Variants in SHANK2 observed in about 807,000 individuals in gnomAD.
SHANK2 encodes SH3 and multiple ankyrin repeat domains 2, also known as SH3 and multiple ankyrin repeat domains protein 2.
Under a neutral mutation model 133.7 loss-of-function variants are expected in SHANK2, and 43 were observed. The observed-to-expected ratio is 0.32, with a 90% CI of 0.25 to 0.41. The LOEUF is 0.41. Ranked by LOEUF, SHANK2 falls within the 10% of genes least tolerant of loss-of-function variation. The pLI, the probability that SHANK2 is intolerant of heterozygous loss-of-function variation, is 1.00. For missense variants in SHANK2, 1,994 were observed against 2,235.8 expected (o/e 0.89, Z 2.18); for synonymous variants, 1,017 against 952.8 (o/e 1.07, Z -1.24).
intron 23 of SHANK2, chr11:70,490,049 T>G: frequency 2.8e-6 from 1 of 357,624 alleles, no homozygotes; most frequent in Non-Finnish European, 5.3e-6. Flanking sequence ...CCACCCTAGA[T>G]TTTGTGTCCT....
At chr11:71,098,145 A>G (rs532421704) in intron 6 of SHANK2, among the ~76,000 whole-genome samples, 1 of 135,904 alleles carries the variant, frequency 7.4e-6, no homozygotes, top group African/African-American at 2.8e-5. Context: ...GCCTGTGTGC[A>G]TGCATGCCTG....
chr11:71,088,307 TACAC>T (rs1200021421), intron 8 of SHANK2, among the ~76,000 whole-genome samples: 2 of 151,982 alleles, frequency 1.3e-5, no homozygotes, highest in Non-Finnish European at 2.9e-5. Flanking sequence ...TCTGTATCTG[TACAC>T]ACACACACAT....
At chr11:70,873,972 C>G (rs898751587) in intron 11 of SHANK2, among the ~76,000 whole-genome samples, 2 of 152,154 alleles carry the variant, frequency 1.3e-5, no homozygotes, top group African/African-American at 2.4e-5. Context: ...AGGCTGGGGG[C>G]AGCATCCCAA....
At chr11:70,780,920 T>G (rs1161507566) in intron 14 of SHANK2, among the ~76,000 whole-genome samples, 3 of 152,100 alleles carry the variant, frequency 2.0e-5, no homozygotes, top group African/African-American at 7.2e-5. Context: ...GTTTTGTGTT[T>G]TTGTTGTTGT....
chr11:70,752,009 T>C (rs1946758071), intron 14 of SHANK2, among the ~76,000 whole-genome samples: 1 of 152,190 alleles, frequency 6.6e-6, no homozygotes, highest in Non-Finnish European at 1.5e-5. Context: ...ATGGTAGATA[T>C]AAATACTAAC....
chr11:70,697,617 G>A (rs1372848041), intron 15 of SHANK2, among the ~76,000 whole-genome samples: 6 of 152,228 alleles, frequency 3.9e-5, no homozygotes, highest in Non-Finnish European at 7.3e-5. Flanking sequence ...TTTAGGTTAC[G>A]TACATTTTAC....
chr11:70,523,179 G>A (rs564853035), intron 17 of SHANK2, among the ~76,000 whole-genome samples: 1 of 152,334 alleles, frequency 6.6e-6, no homozygotes, highest in African/African-American at 2.4e-5. Flanking sequence ...GGGCCAGCTG[G>A]CTGCTGTGTG....
intron 14 of SHANK2, among the ~76,000 whole-genome samples, chr11:70,722,505 G>A (rs1300346691): frequency 6.6e-6 from 1 of 152,190 alleles, no homozygotes; most frequent in African/African-American, 2.4e-5. Flanking sequence ...CTACATAGGC[G>A]ATTGTTTTTT....
intron 10 of SHANK2, among the ~76,000 whole-genome samples, chr11:70,924,159 C>G (rs1168901967): frequency 6.6e-6 from 1 of 152,174 alleles, no homozygotes; most frequent in Non-Finnish European, 1.5e-5. Context: ...TCCCTCCTGC[C>G]ACACTCCCCA....
intron 14 of SHANK2, among the ~76,000 whole-genome samples, chr11:70,755,412 G>A (rs976726215): frequency 1.3e-4 from 20 of 152,232 alleles, no homozygotes; most frequent in African/African-American, 4.8e-4. Context: ...CCCTCCAGGG[G>A]CTTCCTGCAG....
In SHANK2 at chr11:70,486,763, G is replaced by A. The variant is rs782497988; in HGVS notation, c.3530C>T (p.Ser1177Phe). 1 of 1,611,270 alleles carries A rather than the reference G, an allele frequency of 6.2e-7. No individual in the cohort carries two copies. Among genetic ancestry groups the A allele is most frequent in the South Asian group, 1.1e-5 (1 of 91,076 alleles). ...GEAGRPLNST[S>F]KAQGPESSPA... Reference sequence around the variant, plus strand: ...GCTGCTCTCGGGCCCCTGGGCTTTGGACGTGGAATTCAGCGGCCTCCCAGC... The same window carrying A: ...GCTGCTCTCGGGCCCCTGGGCTTTGAACGTGGAATTCAGCGGCCTCCCAGC... The change falls in exon 25 of 26, where the codon TCC (serine) becomes TTC (phenylalanine). Residue 1177 changes from serine (S) to phenylalanine (F), a missense_variant. By Grantham distance (155) the Ser-to-Phe change is radical (BLOSUM62 -2). Transcript: ENST00000601538. The surrounding 1 kb of genome is among the most constrained non-coding windows in gnomAD (Gnocchi z 8.0).
intron 17 of SHANK2, chr11:70,634,659 G>C (rs1383081346): frequency 6.6e-6 from 1 of 152,226 alleles, no homozygotes; most frequent in East Asian, 1.9e-4. Context: ...TCAGGAGTTC[G>C]AGACCAGACT....
At chr11:70,876,189 C>G (rs945040543) in intron 11 of SHANK2, among the ~76,000 whole-genome samples, 1 of 150,772 alleles carries the variant, frequency 6.6e-6, no homozygotes, top group Non-Finnish European at 1.5e-5. Context: ...TATACACACA[C>G]GTATATACAT....
chr11:71,205,684 G>A (rs1230965215), intron 2 of SHANK2, among the ~76,000 whole-genome samples: 1 of 152,162 alleles, frequency 6.6e-6, no homozygotes, highest in Non-Finnish European at 1.5e-5. Flanking sequence ...AGAGGGGTAG[G>A]TCTGCTAATG....
intron 10 of SHANK2, among the ~76,000 whole-genome samples, chr11:70,923,652 A>C (rs185577427): frequency 2.0e-5 from 3 of 152,306 alleles, no homozygotes; most frequent in African/African-American, 7.2e-5. Context: ...AGGCTCAAGC[A>C]ATCCTCCCAT....
At chr11:71,199,638 A>C (rs1555116745) in intron 2 of SHANK2, among the ~76,000 whole-genome samples, 1 of 152,238 alleles carries the variant, frequency 6.6e-6, no homozygotes, top group East Asian at 1.9e-4. Context: ...AAGATGTGAC[A>C]AGCCGGCCAC....
chr11:70,563,658 C>T lies in SHANK2; in HGVS notation c.2062-60727G>A, dbSNP rs555253559. The stretch of plus-strand genomic sequence containing the variant: ...GATTCAAGTGATTCTCCTGCCTCAG[C>T]CTCCTGAGTAGTTGGCATTACAGGT... On this transcript the variant is annotated intron_variant, in intron 17 of 25. Coordinates refer to ENST00000601538, the MANE Select transcript of SHANK2 (RefSeq NM_012309.5). 2.0e-5 allele frequency among the ~76,000 whole-genome samples: 3 copies of T among 151,698 alleles called. No homozygotes were observed. In the South Asian group the frequency reaches 6.3e-4, roughly 32 times the overall value.
chr11:70,509,187 A>G (rs1554968889), intron 17 of SHANK2, among the ~76,000 whole-genome samples: 1 of 152,168 alleles, frequency 6.6e-6, no homozygotes, highest in Non-Finnish European at 1.5e-5. Context: ...CTTGGTTACC[A>G]CCCTGAGGAC....
chr11:70,469,934 A>G lies in SHANK2; in HGVS notation c.*2935T>C, dbSNP rs531561622. 1 of 152,752 alleles carries G rather than the reference A, an allele frequency of 6.5e-6. No individual in the cohort carries two copies. Among genetic ancestry groups the G allele is most frequent in the Non-Finnish European group, 1.5e-5 (1 of 68,038 alleles). The allele number at this position is 152,752 out of a possible 1,614,324, so 9.5% of individuals were successfully genotyped here. On this transcript the variant is annotated 3_prime_UTR_variant, in exon 26 of 26. Transcript: ENST00000601538. ...ATTTTGAGAGATTTGGGTTTTGTAT[A>G]CACAATATTACAGAAACTAGGCATG... is the stretch of plus-strand genomic sequence containing the variant.
Sources: allele counts gnomAD v4.1 joint callset (sites outside exome capture counted in the v4.1 genomes callset), GRCh38; gene constraint gnomAD v4.1.1; non-coding constraint Gnocchi (gnomAD v3.1); transcripts MANE v1.5; gene names NCBI Gene and HGNC (gene_info 2026-07-23, HGNC 2026-07-21).